The following BCAR1 variants were observed in gnomAD, a reference collection of about 807,000 sequenced individuals.
BCAR1 encodes BCAR1 scaffold protein, Cas family member, also known as breast cancer anti-estrogen resistance protein 1.
BCAR1 carries 30 observed loss-of-function variants against 67.6 expected under a neutral mutation model. That is an observed-to-expected ratio of 0.44 (90% CI 0.33 to 0.60). BCAR1 has a LOEUF of 0.60. BCAR1 is among the 20% of genes least tolerant of loss of function. The pLI, the probability that BCAR1 is intolerant of heterozygous loss-of-function variation, is 0.02. For synonymous variants in BCAR1, 626 were observed against 556.7 expected (o/e 1.12, Z -1.75); for missense variants, 1,313 against 1,222.3 (o/e 1.07, Z -1.11).
chr16:75,234,810 A>G (rs1415420060), intron 5 of BCAR1, 79 bp downstream of exon 5: 61 of 1,501,108 alleles, frequency 4.1e-5, no homozygotes, highest in Non-Finnish European at 5.1e-5. Flanking sequence ...ACCAGGCCCC[A>G]GCTGAGAACA....
chr16:75,254,369 G>A (rs2077735781), upstream of BCAR1, among the ~76,000 whole-genome samples: 2 of 152,154 alleles, frequency 1.3e-5, no homozygotes, highest in African/African-American at 4.8e-5. Flanking sequence ...GCTCAGCACT[G>A]GGGCCAGCAC....
chr16:75,238,236 G>T (rs1021215851), intron 2 of BCAR1: 24 of 1,179,776 alleles, frequency 2.0e-5, no homozygotes, highest in Non-Finnish European at 2.6e-5. Flanking sequence ...TTCCCTGAAG[G>T]TCTCCCTGCC....
intron 1 of BCAR1, 98 bp downstream of exon 1, chr16:75,251,373 C>T: frequency 4.2e-6 from 6 of 1,427,312 alleles, no homozygotes; most frequent in Non-Finnish European, 3.7e-6. Context: ...GGTTCCCAGG[C>T]CCCGCAGGTC....
Position 75,267,114 on chromosome 16 carries a change from G to GAT in BCAR1, c.66+800_66+801insAT, listed in dbSNP as rs1567629747. Among the ~76,000 whole-genome samples the GAT allele has an allele frequency of 2.0e-5, 3 of 152,302 alleles. No individual in the cohort carries two copies. The South Asian group carries it at 6.2e-4, about 32-fold the overall frequency. On this transcript the variant is annotated intron_variant, in intron 1 of 6. Coordinates refer to the BCAR1 transcript ENST00000393422. Reference sequence around the variant, plus strand: ...GGTTTTCAGCCTTTTTCCCCAAGGGGCGTGCAGCCTTGATCTTTTCTCCAG... The same window carrying GAT: ...GGTTTTCAGCCTTTTTCCCCAAGGGGATCGTGCAGCCTTGATCTTTTCTCCAG...
At chr16:75,238,272 G>A (rs1002128292) in intron 2 of BCAR1, 2 of 1,160,942 alleles carry the variant, frequency 1.7e-6, no homozygotes, top group African/African-American at 1.6e-5. Flanking sequence ...CCTCCCTGGT[G>A]GGATTCTCCA....
At chr16:75,252,423 G>T (rs947976860), upstream of BCAR1, 4 of 1,447,576 alleles carry the variant, frequency 2.8e-6, no homozygotes, top group East Asian at 1.0e-4. Flanking sequence ...GAGATAGAAG[G>T]AAGAATCACT....
intron 4 of BCAR1, chr16:75,236,448 A>T: frequency 3.0e-6 from 1 of 329,300 alleles, no homozygotes; most frequent in Non-Finnish European, 5.6e-6. Context: ...ACCACCCAGC[A>T]CCACCACCAC....
rs369361256 is a variant in BCAR1, at chr16:75,235,980, C to T, written c.919G>A (p.Asp307Asn). ...LPPSNHHAVY[D>N]VPPSVSKDVP... The stretch of plus-strand genomic sequence containing the variant: ...TCCTTGCTCACCGATGGAGGAACGT[C>T]GTAGACCTGGGGGACAAGCGGTGGT... The change falls in exon 5 of 7, where the codon GAC becomes AAC. Residue 307 changes from aspartate (D) to asparagine (N), a missense_variant. Asp to Asn is a conservative substitution (Grantham distance 23). Transcript: ENST00000162330. 3.2e-5 allele frequency: 50 copies of T among 1,570,750 alleles called. No homozygotes were observed. Among genetic ancestry groups the T allele is most frequent in the South Asian group, 2.8e-4 (24 of 86,088 alleles).
At position 75,251,533 on chromosome 16, in the gene BCAR1, T is replaced by C; in HGVS notation, c.-51A>G. The C allele has an allele frequency of 1.6e-6, 2 of 1,225,016 alleles. No individual in the cohort carries two copies. The highest frequency in any genetic ancestry group is 2.0e-6 in the Non-Finnish European group (2 of 981,624). The allele number at this position is 1,225,016 out of a possible 1,614,324, so 75.9% of individuals were successfully genotyped here. The stretch of plus-strand genomic sequence containing the variant: ...GCTCTCGCGGGGGCGCACACCGAGC[T>C]GCCCGGGCCGCGTGCCCTCGGGGCT... On this transcript the variant is annotated 5_prime_UTR_variant, in exon 1 of 7. Coordinates refer to ENST00000162330, the MANE Select transcript of BCAR1 (RefSeq NM_014567.5).
intron 1 of BCAR1, among the ~76,000 whole-genome samples, chr16:75,258,231 G>A (rs1037353906): frequency 2.0e-5 from 3 of 152,116 alleles, no homozygotes; most frequent in Admixed American, 6.5e-5. Context: ...CGTAGACACC[G>A]CTCCTCAGAT....
intron 1 of BCAR1, among the ~76,000 whole-genome samples, chr16:75,267,707 A>G (rs9319482): frequency 0.72 from 109,578 of 151,914 alleles, 39,945 homozygotes; most frequent in East Asian, 0.92. Context: ...TAGGTGCCCC[A>G]GCCAGAATGG....
At chr16:75,261,135 C>T (rs537439808) in intron 1 of BCAR1, among the ~76,000 whole-genome samples, 16 of 152,258 alleles carry the variant, frequency 1.1e-4, no homozygotes, top group Admixed American at 2.0e-4. Context: ...GGTCCCCAAC[C>T]TGTCCCCAGA....
chr16:75,248,305 T>C (rs908764098), intron 1 of BCAR1: 5 of 1,385,280 alleles, frequency 3.6e-6, no homozygotes, highest in South Asian at 1.6e-5. Flanking sequence ...GCCTCGCACA[T>C]AGCAGGCACT....
chr16:75,232,696 C>T (rs1398879197), intron 6 of BCAR1, among the ~76,000 whole-genome samples: 1 of 152,192 alleles, frequency 6.6e-6, no homozygotes, highest in African/African-American at 2.4e-5. Context: ...CCCCCTGCCA[C>T]CCTGCCACCG....
chr16:75,237,134 G>A (rs1203853972), intron 3 of BCAR1, 49 bp downstream of exon 3: 2 of 1,493,448 alleles, frequency 1.3e-6, no homozygotes, highest in Admixed American at 2.4e-5. Context: ...CCAAGCAGAG[G>A]CACAGACTTG....
chr16:75,238,356 T>C (rs958295180), intron 2 of BCAR1: 3 of 1,104,642 alleles, frequency 2.7e-6, no homozygotes, highest in Non-Finnish European at 3.3e-6. Context: ...GAAAGACCTT[T>C]TGTTCCTTCA....
At chr16:75,267,851 T>C (rs2078029695) in intron 1 of BCAR1, 8 of 1,521,670 alleles carry the variant, frequency 5.3e-6, no homozygotes, top group Non-Finnish European at 7.1e-6. Flanking sequence ...GCTGCTTATT[T>C]AGGGCATCAG....
rs747009517 is a variant in BCAR1 at position 75,237,168 on chromosome 16, G to T, written c.795+15C>A. 1.2e-5 allele frequency: 18 copies of T among 1,546,918 alleles called. No individual in the cohort carries two copies. The Admixed American group carries it at 3.7e-4, about 32-fold the overall frequency. The stretch of plus-strand genomic sequence containing the variant: ...TGCCGCCCTGCCCTCCCACCGCTGC[G>T]CACCCCACACCTACCTCCTGGCCAT... On this transcript the variant is annotated intron_variant, in intron 3 of 6. Coordinates refer to ENST00000162330, the MANE Select transcript of BCAR1 (RefSeq NM_014567.5).
upstream of BCAR1, among the ~76,000 whole-genome samples, chr16:75,255,825 C>T (rs1364728763): frequency 1.3e-5 from 2 of 152,084 alleles, no homozygotes; most frequent in African/African-American, 2.4e-5. Flanking sequence ...AACCCCGTCT[C>T]TACTAAAAAT....
Sources: gnomAD v4.1 joint callset for allele counts (sites outside exome capture counted in the v4.1 genomes callset) on GRCh38, gnomAD v4.1.1 for gene constraint, MANE v1.5 for transcripts, NCBI Gene and HGNC (gene_info 2026-07-23, HGNC 2026-07-21) for gene names.